Variants in PAFAH2 observed in about 807,000 individuals in gnomAD.
The protein encoded by PAFAH2 is platelet-activating factor acetylhydrolase 2, cytoplasmic.
A neutral mutation model predicts 49.0 loss-of-function variants in PAFAH2; 42 were observed. The observed-to-expected ratio is 0.86, with a 90% CI of 0.67 to 1.11. The LOEUF is 1.11. Ranked by LOEUF, PAFAH2 falls within the 50% of genes least tolerant of loss-of-function variation. The pLI is 0.00. For missense variants in PAFAH2, 503 were observed against 501.8 expected, an observed-to-expected ratio of 1.00 and a Z score of -0.02; for synonymous variants, 184 against 181.3, an observed-to-expected ratio of 1.01 and a Z score of -0.12.
Position 25,961,999 on chromosome 1 carries a change from G to C in PAFAH2, c.1169C>G (p.Ser390Cys). ...SLTPGAPHHL[S>C]SL ...AATGGCCAGTTGTGCCTACAGGCTG[G>C]ACAGATGGTGGGGGGCCCCTGGGGT... Residue 390 changes from serine (S) to cysteine (C), a missense_variant, in exon 11 of 11, where the codon TCC becomes TGC. Coordinates refer to ENST00000374282, the MANE Select transcript of PAFAH2 (RefSeq NM_000437.4). The C allele has an allele frequency of 6.2e-7, 1 of 1,613,648 alleles. No individual in the cohort carries two copies. Among genetic ancestry groups the C allele is most frequent in the Non-Finnish European group, 8.5e-7 (1 of 1,179,704 alleles).
intron 5 of PAFAH2, 25 bp from the exon 6 acceptor site, chr1:25,984,112 GA>G: frequency 6.2e-7 from 1 of 1,612,924 alleles, no homozygotes; most frequent in Non-Finnish European, 8.5e-7. Context: ...TCATCAGAGA[GA>G]AACCAGAAAA....
At chr1:25,997,269 C>A (rs2049949646) in intron 1 of PAFAH2, among the ~76,000 whole-genome samples, 1 of 152,204 alleles carries the variant, frequency 6.6e-6, no homozygotes, top group African/African-American at 2.4e-5. Context: ...AATGAAGACA[C>A]CAAGCACTCG....
At chr1:25,962,622 T>C (rs985807828) in intron 10 of PAFAH2, among the ~76,000 whole-genome samples, 1 of 151,912 alleles carries the variant, frequency 6.6e-6, no homozygotes, top group Non-Finnish European at 1.5e-5. Flanking sequence ...TAGGAGTTCC[T>C]AGACCAGCCT....
chr1:25,984,503 C>G lies in PAFAH2; in HGVS notation c.367G>C (p.Glu123Gln), dbSNP rs142549027. The change falls in exon 5 of 11, where the codon GAG becomes CAG. Residue 123 changes from glutamate to glutamine, a missense_variant. Glu to Gln is a conservative substitution (Grantham distance 29, BLOSUM62 2). Transcript: ENST00000374282. ...ACCACAAAGCCACGTGAGGCCAGCTCCATGCAGAAGGCTGAATACAAAGTC... is the reference window on the plus strand; with the variant it reads ...ACCACAAAGCCACGTGAGGCCAGCTGCATGCAGAAGGCTGAATACAAAGTC... ...FRTLYSAFCM[E>Q]LASRGFVVAV... 14 of 1,613,716 alleles carry G rather than the reference C, an allele frequency of 8.7e-6. No individual in the cohort carries two copies. Among genetic ancestry groups the G allele is most frequent in the Admixed American group, 3.3e-5 (2 of 59,958 alleles).
chr1:25,969,871 G>A (rs1233617539), intron 10 of PAFAH2, among the ~76,000 whole-genome samples: 1 of 152,124 alleles, frequency 6.6e-6, no homozygotes, highest in Non-Finnish European at 1.5e-5. Context: ...CTGAGGACCA[G>A]GCAGTCAGGC....
chr1:25,976,615 AC>A, intron 8 of PAFAH2, 66 bp downstream of exon 8: 1 of 1,187,590 alleles, frequency 8.4e-7, no homozygotes, highest in East Asian at 2.3e-5. Context: ...TACTTGTGTA[AC>A]AAATACTTTC....
rs745975180 is a variant in PAFAH2, at chr1:25,962,016, C to T, written c.1152G>A (p.Gly384=). The T allele has an allele frequency of 1.9e-6, 3 of 1,613,772 alleles. No homozygotes were observed. In the East Asian group the frequency reaches 6.7e-5, roughly 36 times the overall value. The stretch of plus-strand genomic sequence containing the variant: ...ACAGGCTGGACAGATGGTGGGGGGC[C>T]CCTGGGGTGAGCGACGGTCCAATGC... ...IEGIGPSLTP[G]APHHLSSL is the part of the protein sequence containing the mutation. The change falls in exon 11 of 11, where the codon GGG becomes GGA. Residue 384 remains glycine, a synonymous_variant. Coordinates refer to ENST00000374282, the MANE Select transcript of PAFAH2 (RefSeq NM_000437.4).
At chr1:25,973,692 C>T (rs1005290782) in intron 9 of PAFAH2, among the ~76,000 whole-genome samples, 2 of 152,214 alleles carry the variant, frequency 1.3e-5, no homozygotes, top group Non-Finnish European at 1.5e-5. Context: ...GCCATACTGC[C>T]GGCCCCAGTG....
At chr1:25,984,629 C>T (rs2049752731) in intron 4 of PAFAH2, 101 bp from the exon 5 acceptor site, 2 of 864,502 alleles carry the variant, frequency 2.3e-6, no homozygotes, top group East Asian at 2.5e-5. Flanking sequence ...TGTGGAATTA[C>T]CACATCAACC....
In PAFAH2 at chr1:25,989,537, C is replaced by T. The variant is rs1395881507; in HGVS notation, c.155G>A (p.Trp52Ter). The change falls in exon 3 of 11, where the codon TGG becomes TAG. Residue 52 changes from tryptophan to a stop codon, truncating the protein, a stop_gained. Coordinates refer to ENST00000374282, the MANE Select transcript of PAFAH2 (RefSeq NM_000437.4). LOFTEE classifies it high-confidence loss of function. ...AGTGCAGTACTCATAGCGGGGAATC[C>T]ACAGGGGCTGCTCCATGGTCTCCTC... ...KAEETMEQPL[W>*]IPRYEYCTGL... 2 of 1,612,836 alleles carry T rather than the reference C, an allele frequency of 1.2e-6. No individual in the cohort carries two copies. The highest frequency in any genetic ancestry group is 1.7e-5 in the Admixed American group (1 of 59,850).
At chr1:25,988,921 T>C (rs2049830835) in intron 3 of PAFAH2, among the ~76,000 whole-genome samples, 1 of 151,196 alleles carries the variant, frequency 6.6e-6, no homozygotes, top group African/African-American at 2.4e-5. Context: ...GTGGAATTCC[T>C]AGGTGTGGGA....
intron 5 of PAFAH2, 115 bp downstream of exon 5, chr1:25,984,345 G>T (rs3738458): frequency 0.63 from 514,199 of 820,864 alleles, 167,733 homozygotes; most frequent in East Asian, 0.72. Flanking sequence ...CTTTAAAAGT[G>T]GTATAATGCT....
chr1:25,997,851 G>T (rs187917018), intron 1 of PAFAH2, among the ~76,000 whole-genome samples, 174 bp downstream of exon 1: 1 of 152,294 alleles, frequency 6.6e-6, no homozygotes, highest in East Asian at 1.9e-4. Context: ...CGAGGCGACC[G>T]TGGGAGGGTC....
chr1:25,982,922 T>C (rs946631793), intron 6 of PAFAH2, among the ~76,000 whole-genome samples: 3 of 152,128 alleles, frequency 2.0e-5, no homozygotes, highest in Admixed American at 2.0e-4. Flanking sequence ...ATTCTAACAA[T>C]GTATTTCTGG....
chr1:25,968,607 AGAGT>A (rs1342575274), intron 10 of PAFAH2, among the ~76,000 whole-genome samples: 2 of 152,148 alleles, frequency 1.3e-5, no homozygotes, highest in African/African-American at 2.4e-5. Context: ...AATTTTTTTC[AGAGT>A]GAGAGGTTCA....
At chr1:25,990,890 C>A (rs561700046) in intron 1 of PAFAH2, 27 bp from the exon 2 acceptor site, 9 of 1,232,878 alleles carry the variant, frequency 7.3e-6, no homozygotes, top group Admixed American at 1.8e-5. Context: ...AGAACAGCAG[C>A]CGCTTGCTGG....
intron 4 of PAFAH2, 75 bp from the exon 5 acceptor site, chr1:25,984,603 C>T: frequency 8.7e-7 from 1 of 1,152,020 alleles, no homozygotes; most frequent in East Asian, 2.4e-5. Flanking sequence ...CAACAATGCT[C>T]TGCTAGCAGC....
intron 1 of PAFAH2, among the ~76,000 whole-genome samples, chr1:25,994,421 C>T (rs540637256): frequency 5.9e-5 from 9 of 152,168 alleles, no homozygotes; most frequent in Admixed American, 3.3e-4. Context: ...AGTGAGCCAC[C>T]GTGCCAGCCC....
chr1:25,962,408 C>G (rs1240062424), intron 10 of PAFAH2, among the ~76,000 whole-genome samples: 5 of 152,122 alleles, frequency 3.3e-5, no homozygotes, highest in Non-Finnish European at 7.3e-5. Flanking sequence ...TCCCTATGAA[C>G]TAAGTATTAA....
Sources: gnomAD v4.1 joint callset for allele counts (sites outside exome capture counted in the v4.1 genomes callset) on GRCh38, gnomAD v4.1.1 for gene constraint, MANE v1.5 for transcripts, NCBI Gene and HGNC (gene_info 2026-07-23, HGNC 2026-07-21) for gene names.